The following PTPRD variants were observed in gnomAD, a reference collection of about 807,000 sequenced individuals.
The protein encoded by PTPRD is receptor-type tyrosine-protein phosphatase delta.
PTPRD carries 34 observed loss-of-function variants against 214.5 expected under a neutral mutation model. That is an observed-to-expected ratio of 0.16 (90% CI 0.12 to 0.21). The LOEUF (loss-of-function observed/expected upper bound fraction) is 0.21, where lower values mean the gene tolerates loss of function less well. Ranked by LOEUF, PTPRD falls within the 10% of genes least tolerant of loss-of-function variation. The probability of loss-of-function intolerance (pLI) is 1.00; values close to 1 mark genes in which losing one functional copy is unlikely to be tolerated. For missense variants in PTPRD, 2,545 were observed against 2,398.7 expected, an observed-to-expected ratio of 1.06 and a Z score of -1.27; for synonymous variants, 1,128 against 845.7, an observed-to-expected ratio of 1.33 and a Z score of -5.79.
chr9:10,529,336 T>G (rs1405714996), intron 2 of PTPRD, among the ~76,000 whole-genome samples: 1 of 152,112 alleles, frequency 6.6e-6, no homozygotes, highest in East Asian at 1.9e-4. Context: ...CCATCAAGGT[T>G]AGACTGGATA....
intron 7 of PTPRD, among the ~76,000 whole-genome samples, chr9:9,625,316 A>T (rs1055041841): frequency 6.6e-6 from 1 of 152,202 alleles, no homozygotes; most frequent in African/African-American, 2.4e-5. Flanking sequence ...AAGAAAGCCT[A>T]TTGGCTGGTG....
chr9:8,756,639 A>G (rs1226834130), intron 11 of PTPRD, among the ~76,000 whole-genome samples: 1 of 152,174 alleles, frequency 6.6e-6, no homozygotes, highest in Non-Finnish European at 1.5e-5. Flanking sequence ...TCCAATCACC[A>G]AGCCTAGTCC....
chr9:9,314,464 T>A (rs1467209157), intron 9 of PTPRD, among the ~76,000 whole-genome samples: 1 of 152,100 alleles, frequency 6.6e-6, no homozygotes, highest in Non-Finnish European at 1.5e-5. Context: ...AGGTGATTTT[T>A]TGTTGTTGTT....
At chr9:10,421,754 C>T (rs562783454) in intron 2 of PTPRD, among the ~76,000 whole-genome samples, 13 of 151,880 alleles carry the variant, frequency 8.6e-5, no homozygotes, top group Non-Finnish European at 1.6e-4. Flanking sequence ...TTTTCGTTTA[C>T]TTTATTACTG....
intron 11 of PTPRD, among the ~76,000 whole-genome samples, chr9:8,894,191 T>TA (rs1173802943): frequency 2.0e-5 from 3 of 151,670 alleles, no homozygotes; most frequent in African/African-American, 7.3e-5. Context: ...CTGTTTCTAC[T>TA]AAAAATACAA....
intron 7 of PTPRD, among the ~76,000 whole-genome samples, chr9:9,595,879 C>T (rs2093310033): frequency 6.6e-6 from 1 of 151,708 alleles, no homozygotes; most frequent in South Asian, 2.1e-4. Flanking sequence ...CAAAATTTCA[C>T]AAATCAACTG....
At chr9:10,201,136 GAC>G in intron 3 of PTPRD, among the ~76,000 whole-genome samples, 1 of 152,072 alleles carries the variant, frequency 6.6e-6, no homozygotes, top group South Asian at 2.1e-4. Flanking sequence ...GCTTGGAAAA[GAC>G]AGTGCAATGG....
At position 10,227,194 on chromosome 9, in the gene PTPRD, A is replaced by G. The variant is rs1413660069; in HGVS notation, c.-545+113769T>C. Among the ~76,000 whole-genome samples, 5 of 152,172 alleles carry G rather than the reference A, an allele frequency of 3.3e-5. No individual in the cohort carries two copies. In the East Asian group the frequency reaches 7.8e-4, roughly 24 times the overall value. Reference sequence around the variant, plus strand: ...GGCCATGATTTGTTCAGACTTGTTTACTATTACTGTCATCTCCGGTCTAGT... The same window carrying G: ...GGCCATGATTTGTTCAGACTTGTTTGCTATTACTGTCATCTCCGGTCTAGT... On this transcript the variant is annotated intron_variant, in intron 3 of 45. Coordinates refer to ENST00000381196, the MANE Select transcript of PTPRD (RefSeq NM_002839.4).
intron 3 of PTPRD, among the ~76,000 whole-genome samples, chr9:10,090,193 T>G (rs988617510): frequency 1.3e-5 from 2 of 151,626 alleles, no homozygotes; most frequent in African/African-American, 4.8e-5. Flanking sequence ...TTTCCATATT[T>G]AAAACATTTT....
At chr9:8,761,559 G>A (rs180850667) in intron 11 of PTPRD, among the ~76,000 whole-genome samples, 12 of 152,250 alleles carry the variant, frequency 7.9e-5, no homozygotes, top group African/African-American at 2.6e-4. Flanking sequence ...AGCACAGAAA[G>A]CGGAGCTGCA....
At position 10,060,897 on chromosome 9, in the gene PTPRD, C is replaced by CT. The variant is rs1555531625; in HGVS notation, c.-544-27108dup. 1.0e-3 allele frequency among the ~76,000 whole-genome samples: 74 copies of CT among 70,582 alleles called. 1 individual carries two copies. Among genetic ancestry groups the CT allele is most frequent in the East Asian group, 9.8e-3 (20 of 2,044 alleles). 46.3% of individuals were successfully genotyped at this position (70,582 alleles called of 152,430 possible). On this transcript the variant is annotated intron_variant, in intron 3 of 45. Transcript: ENST00000381196. ...CCTTCCTTCCTTCCTTCCTTCCTTC[C>CT]TTCTTTCTTTCTTTCTTTCTTTCTT... is the stretch of plus-strand genomic sequence containing the variant.
At chr9:10,460,722 C>T (rs762214120) in intron 2 of PTPRD, among the ~76,000 whole-genome samples, 1 of 151,968 alleles carries the variant, frequency 6.6e-6, no homozygotes, top group African/African-American at 2.4e-5. Context: ...TCTCTTACAC[C>T]ATACACAAAA....
At chr9:10,595,020 A>AG (rs2076298528) in intron 2 of PTPRD, among the ~76,000 whole-genome samples, 1 of 24,820 alleles carries the variant, frequency 4.0e-5, no homozygotes, top group Non-Finnish European at 2.1e-4. Flanking sequence ...TTAATTATTC[A>AG]AATAACTATT....
intron 5 of PTPRD, among the ~76,000 whole-genome samples, chr9:9,825,841 CCTTTT>C (rs1307253309): frequency 6.6e-6 from 1 of 151,406 alleles, no homozygotes; most frequent in African/African-American, 2.4e-5. Context: ...AATTTTTCTT[CCTTTT>C]ATTAGTCAAT....
intron 10 of PTPRD, among the ~76,000 whole-genome samples, chr9:9,140,215 G>GAAAAA (rs1569551945): frequency 6.6e-6 from 1 of 150,650 alleles, no homozygotes; most frequent in Admixed American, 6.6e-5. Flanking sequence ...AAAAGAAAAA[G>GAAAAA]AAAAAAAAGA....
chr9:9,005,506 T>C (rs139312582), intron 11 of PTPRD, among the ~76,000 whole-genome samples: 2 of 152,134 alleles, frequency 1.3e-5, no homozygotes, highest in African/African-American at 4.8e-5. Flanking sequence ...TTAATCTGCA[T>C]CCTGAATGAA....
intron 8 of PTPRD, among the ~76,000 whole-genome samples, chr9:9,400,075 C>T (rs2069620657): frequency 6.9e-6 from 1 of 144,856 alleles, no homozygotes; most frequent in Non-Finnish European, 1.5e-5. Context: ...AGAGTGTGGA[C>T]CTAACTTTAC....
chr9:10,601,769 A>G (rs1205215819), intron 2 of PTPRD, among the ~76,000 whole-genome samples: 2 of 151,782 alleles, frequency 1.3e-5, no homozygotes, highest in East Asian at 3.9e-4. Context: ...GCTCATAACA[A>G]ACAGTTTAAG....
chr9:9,907,826 G>C (rs2078033839), intron 5 of PTPRD, among the ~76,000 whole-genome samples: 1 of 151,940 alleles, frequency 6.6e-6, no homozygotes, highest in Non-Finnish European at 1.5e-5. Context: ...AATGAAAATA[G>C]TGAATCACTT....
Sources: allele counts gnomAD v4.1 joint callset (sites outside exome capture counted in the v4.1 genomes callset), GRCh38; gene constraint gnomAD v4.1.1; transcripts MANE v1.5; gene names NCBI Gene and HGNC (gene_info 2026-07-23, HGNC 2026-07-21).